Variants in LMBRD1 observed in about 807,000 individuals in gnomAD.
The protein encoded by LMBRD1 is LMBR1 domain containing 1.
LMBRD1 carries 64 observed loss-of-function variants against 74.8 expected under a neutral mutation model. The observed-to-expected ratio is 0.86, with a 90% confidence interval of 0.70 to 1.05. LMBRD1 has a LOEUF of 1.05. LMBRD1 is among the 50% of genes least tolerant of loss of function. The pLI is 0.00. For synonymous variants in LMBRD1, 204 were observed against 216.3 expected (o/e 0.94, Z 0.50); for missense variants, 652 against 645.9 (o/e 1.01, Z -0.10).
rs753226072 is a variant in LMBRD1, at chr6:69,697,693, T to G, written c.1339-52A>C. 1.1e-5 allele frequency: 12 copies of G among 1,101,408 alleles called. No individual in the cohort carries two copies. The African/African-American group carries it at 1.5e-4, about 14-fold the overall frequency. 68.2% of individuals were successfully genotyped at this position (1,101,408 alleles called of 1,614,324 possible). A position where few individuals can be genotyped will look rare whatever the true frequency, so the allele number is the denominator to read the frequency against. ...ATAAAAACCGCATTAATAAATACAT[T>G]TGGATTTAAAAAGTAATCACTATGA... On this transcript the variant is annotated intron_variant, in intron 13 of 15. Coordinates refer to ENST00000649934, the MANE Select transcript of LMBRD1 (RefSeq NM_018368.4).
chr6:69,721,958 G>A (rs1001425509), intron 7 of LMBRD1, among the ~76,000 whole-genome samples: 3 of 152,120 alleles, frequency 2.0e-5, no homozygotes, highest in Admixed American at 6.6e-5. Context: ...GTGGCCACAG[G>A]GAGAGACTCC....
chr6:69,783,426 G>A (rs1765879155), intron 2 of LMBRD1, among the ~76,000 whole-genome samples: 1 of 152,214 alleles, frequency 6.6e-6, no homozygotes, highest in Non-Finnish European at 1.5e-5. Flanking sequence ...AGGCTGCAGT[G>A]CAGTGGCATG....
At chr6:69,706,078 T>A (rs1766249894) in intron 9 of LMBRD1, 3 of 688,522 alleles carry the variant, frequency 4.4e-6, no homozygotes. Context: ...AAAGTGATAA[T>A]CTTTGTCAGC....
intron 4 of LMBRD1, among the ~76,000 whole-genome samples, chr6:69,751,794 T>TATA (rs1436838438): frequency 1.1e-4 from 16 of 152,366 alleles, no homozygotes; most frequent in Admixed American, 9.8e-4. Flanking sequence ...CTTTTAACAC[T>TATA]ATAATGGCAG....
At chr6:69,705,714 T>C in intron 9 of LMBRD1, 2 of 1,118,310 alleles carry the variant, frequency 1.8e-6, no homozygotes, top group East Asian at 2.4e-5. Flanking sequence ...CTGTGGAACC[T>C]TGCTACCACC....
chr6:69,755,890 T>C (rs1349033959), intron 3 of LMBRD1, among the ~76,000 whole-genome samples: 4 of 152,212 alleles, frequency 2.6e-5, no homozygotes, highest in African/African-American at 9.6e-5. Context: ...AACAGCCTAA[T>C]GACTATTTTA....
chr6:69,700,735 G>C, intron 12 of LMBRD1, 30 bp downstream of exon 12: 1 of 1,360,150 alleles, frequency 7.4e-7, no homozygotes, highest in Non-Finnish European at 9.9e-7. Flanking sequence ...AAAATGATGA[G>C]AAAAAAATAA....
intron 7 of LMBRD1, among the ~76,000 whole-genome samples, chr6:69,719,356 A>G (rs1328697551): frequency 6.6e-6 from 1 of 152,196 alleles, no homozygotes; most frequent in East Asian, 1.9e-4. Flanking sequence ...TCAAAGTAAT[A>G]ATTACAAATT....
chr6:69,778,963 G>A (rs1217286898), intron 3 of LMBRD1, among the ~76,000 whole-genome samples: 3 of 151,950 alleles, frequency 2.0e-5, no homozygotes, highest in Non-Finnish European at 2.9e-5. Context: ...CAGGATGGGC[G>A]GATCACTAGG....
At chr6:69,709,248 G>C (rs1389950783) in intron 9 of LMBRD1, among the ~76,000 whole-genome samples, 2 of 149,556 alleles carry the variant, frequency 1.3e-5, no homozygotes, top group Non-Finnish European at 3.0e-5. Flanking sequence ...AAAAAAAAAA[G>C]AAAAGAAACA....
intron 11 of LMBRD1, 135 bp from the exon 12 acceptor site, chr6:69,701,004 C>G (rs1413514695): frequency 1.7e-6 from 1 of 605,012 alleles, no homozygotes; most frequent in Non-Finnish European, 2.5e-6. Flanking sequence ...GATTAGGCTA[C>G]TGTGCTTAAA....
At chr6:69,697,678 C>T (rs755007523) in intron 13 of LMBRD1, 37 bp from the exon 14 acceptor site, 115 of 1,218,996 alleles carry the variant, frequency 9.4e-5, no homozygotes, top group Non-Finnish European at 1.3e-4. Flanking sequence ...ATAAAAACCG[C>T]ATTAATAAAT....
At chr6:69,760,082 G>C (rs546834588) in intron 3 of LMBRD1, among the ~76,000 whole-genome samples, 16 of 152,162 alleles carry the variant, frequency 1.1e-4, no homozygotes, top group African/African-American at 3.6e-4. Context: ...TAGCAAAATA[G>C]CTTGTCATTA....
At chr6:69,774,453 T>G (rs1765644116) in intron 3 of LMBRD1, among the ~76,000 whole-genome samples, 1 of 152,238 alleles carries the variant, frequency 6.6e-6, no homozygotes, top group Non-Finnish European at 1.5e-5. Flanking sequence ...TAATTCCTGC[T>G]TAGGGTTTGG....
intron 3 of LMBRD1, among the ~76,000 whole-genome samples, chr6:69,776,508 G>T (rs934428749): frequency 3.3e-5 from 5 of 152,268 alleles, no homozygotes; most frequent in South Asian, 4.1e-4. Context: ...CATGAATTAG[G>T]CATCTAAACA....
At chr6:69,699,682 T>A (rs1766085181) in intron 12 of LMBRD1, among the ~76,000 whole-genome samples, 1 of 151,804 alleles carries the variant, frequency 6.6e-6, no homozygotes. Flanking sequence ...TAAAGGGAAA[T>A]GAAAACACAT....
chr6:69,777,692 A>AG (rs398110245), intron 3 of LMBRD1, among the ~76,000 whole-genome samples: 50 of 151,434 alleles, frequency 3.3e-4, no homozygotes, highest in Middle Eastern at 3.4e-3. Context: ...AAAAAAAAAA[A>AG]GGGGGAGAGA....
chr6:69,747,533 T>A (rs918078704), intron 5 of LMBRD1, among the ~76,000 whole-genome samples: 29 of 152,244 alleles, frequency 1.9e-4, no homozygotes, highest in Non-Finnish European at 3.1e-4. Context: ...TCCCATTCCT[T>A]CGAATCTCAA....
chr6:69,720,126 G>C (rs1178704400), intron 7 of LMBRD1, among the ~76,000 whole-genome samples: 1 of 151,984 alleles, frequency 6.6e-6, no homozygotes, highest in Non-Finnish European at 1.5e-5. Flanking sequence ...ATTAAACATT[G>C]CTTAAACCAC....
Sources: gnomAD v4.1 joint callset for allele counts (sites outside exome capture counted in the v4.1 genomes callset) on GRCh38, gnomAD v4.1.1 for gene constraint, MANE v1.5 for transcripts, NCBI Gene and HGNC (gene_info 2026-07-23, HGNC 2026-07-21) for gene names.